ANO2: variants seen among roughly 807,000 people sequenced by gnomAD.
ANO2 encodes the protein anoctamin 2.
In ANO2, 101 loss-of-function variants were observed where a neutral mutation model predicts 124.2. That is an observed-to-expected ratio of 0.81 (90% confidence interval 0.69 to 0.96). The LOEUF (loss-of-function observed/expected upper bound fraction) is 0.96, where lower values mean the gene tolerates loss of function less well. Among genes scored for constraint, ANO2 ranks in the 40% least tolerant of loss-of-function variants. ANO2 has a pLI of 0.00. For synonymous variants in ANO2, 486 were observed against 482.5 expected (o/e 1.01, Z -0.09); for missense variants, 1,293 against 1,274.5 (o/e 1.01, Z -0.22).
At chr12:5,647,167 A>G (rs2136955003) in intron 15 of ANO2, among the ~76,000 whole-genome samples, 1 of 152,330 alleles carries the variant, frequency 6.6e-6, no homozygotes, top group East Asian at 1.9e-4. Flanking sequence ...TGTCTTGCCC[A>G]TGCTGGCAAC....
intron 14 of ANO2, among the ~76,000 whole-genome samples, chr12:5,710,323 G>A (rs1949765385): frequency 6.6e-6 from 1 of 152,238 alleles, no homozygotes; most frequent in Admixed American, 6.5e-5. Flanking sequence ...CCTCTTGTCA[G>A]TGATGCAGGG....
At position 5,631,924 on chromosome 12, in the gene ANO2, A is replaced by G. The variant is rs143757174; in HGVS notation, c.1816+3228T>C. Among the ~76,000 whole-genome samples, 419 of 152,232 alleles carry G rather than the reference A, an allele frequency of 2.8e-3. 2 individuals are homozygous for G. The highest frequency in any genetic ancestry group is 1.5e-3 in the Non-Finnish European group (104 of 68,006). ...ATGTCCCCAAACCCACTGTTCGGGA[A>G]AGGTTGGCTGGATGGGGATTTCCAA... On this transcript the variant is annotated intron_variant, in intron 16 of 24. Transcript: ENST00000682330.
intron 4 of ANO2, among the ~76,000 whole-genome samples, chr12:5,848,652 C>T (rs753256063): frequency 1.3e-5 from 2 of 152,188 alleles, no homozygotes; most frequent in East Asian, 1.9e-4. Context: ...GTGGAGCCGT[C>T]GTGTTTACAG....
At chr12:5,602,411 CAGCT>C (rs1380340904) in intron 19 of ANO2, among the ~76,000 whole-genome samples, 1 of 151,978 alleles carries the variant, frequency 6.6e-6, no homozygotes, top group Non-Finnish European at 1.5e-5. Flanking sequence ...CCACCAGGCC[CAGCT>C]AATATTTTTT....
rs1952566747 is a variant in ANO2, at chr12:5,787,320, C to T, written c.1055+12187G>A. Among the ~76,000 whole-genome samples the T allele has an allele frequency of 6.6e-6, 1 of 152,146 alleles. No homozygotes were observed. The highest frequency in any genetic ancestry group is 1.5e-5 in the Non-Finnish European group (1 of 68,028). The stretch of plus-strand genomic sequence containing the variant: ...CAAACCTTTCAATGATGTACCCTTT[C>T]CTTAGGGTACGGTCCAAAATCCCTA... On this transcript the variant is annotated intron_variant, in intron 10 of 24. Coordinates refer to ENST00000682330, the MANE Select transcript of ANO2 (RefSeq NM_001364791.2). This position sits in a 1 kb window ranked among gnomAD's most constrained non-coding sequence, Gnocchi z 4.2.
At chr12:5,627,301 A>G (rs1052139430) in intron 16 of ANO2, among the ~76,000 whole-genome samples, 8 of 152,136 alleles carry the variant, frequency 5.3e-5, no homozygotes, top group Non-Finnish European at 8.8e-5. Flanking sequence ...CCACTGCCTG[A>G]GGCCACCCAG....
intron 20 of ANO2, among the ~76,000 whole-genome samples, chr12:5,583,477 C>T (rs559435448): frequency 8.6e-5 from 13 of 151,426 alleles, no homozygotes; most frequent in Non-Finnish European, 1.8e-4. Context: ...CACGGTGAAA[C>T]CCCGTCTCTA....
At chr12:5,615,725 G>C (rs1944770599) in intron 16 of ANO2, among the ~76,000 whole-genome samples, 1 of 152,092 alleles carries the variant, frequency 6.6e-6, no homozygotes, top group Non-Finnish European at 1.5e-5. Context: ...CACTGAACTA[G>C]AGTTACAAGG....
chr12:5,722,485 C>T (rs1455399755), intron 14 of ANO2, among the ~76,000 whole-genome samples: 1 of 151,936 alleles, frequency 6.6e-6, no homozygotes, highest in Non-Finnish European at 1.5e-5. Flanking sequence ...CCAGCCTGGG[C>T]GACAGAACGA....
At chr12:5,781,379 C>T (rs1234395578) in intron 10 of ANO2, among the ~76,000 whole-genome samples, 1 of 152,132 alleles carries the variant, frequency 6.6e-6, no homozygotes, top group Non-Finnish European at 1.5e-5. Flanking sequence ...GGGTGGTGCC[C>T]CAGGCTAAGC....
At chr12:5,630,909 T>C (rs374304366) in intron 16 of ANO2, among the ~76,000 whole-genome samples, 1 of 152,202 alleles carries the variant, frequency 6.6e-6, no homozygotes, top group East Asian at 1.9e-4. Context: ...TGTGAGCAGA[T>C]GGGATGAATG....
chr12:5,726,492 A>G (rs1282531392), intron 14 of ANO2, among the ~76,000 whole-genome samples: 1 of 152,170 alleles, frequency 6.6e-6, no homozygotes, highest in Non-Finnish European at 1.5e-5. Context: ...CACAGGAGCA[A>G]GAGGTTAAAA....
chr12:5,739,233 A>G (rs546432843), intron 13 of ANO2, 84 bp downstream of exon 13: 1 of 1,229,390 alleles, frequency 8.1e-7, no homozygotes, highest in African/African-American at 1.5e-5. Context: ...ATACATGGTT[A>G]TCTCACTCAA....
chr12:5,784,213 T>C (rs1256935880), intron 10 of ANO2, among the ~76,000 whole-genome samples: 2 of 152,134 alleles, frequency 1.3e-5, no homozygotes, highest in African/African-American at 4.8e-5. Flanking sequence ...AATTCATTAT[T>C]CAAAACTCAG....
chr12:5,942,280 T>C (rs768643642), intron 1 of ANO2, among the ~76,000 whole-genome samples: 2 of 152,120 alleles, frequency 1.3e-5, no homozygotes, highest in Non-Finnish European at 2.9e-5. Flanking sequence ...TGTAATGGGG[T>C]AGAATGGACC....
rs201271706 is a variant in ANO2 at position 5,921,114 on chromosome 12, C to T, written c.460G>A (p.Glu154Lys). The stretch of plus-strand genomic sequence containing the variant: ...AATTCCTCCCGCTGCTCCTTCCTCT[C>T]CTCCTCCAGGGCATCGAGCGGTCCC... Reference protein sequence around the residue: ...ELGPLDALEEERKEQREEFEH... With the variant: ...ELGPLDALEEKRKEQREEFEH... Residue 154 changes from glutamate to lysine, a missense_variant, in exon 3 of 25, where the codon GAG (glutamate) becomes AAG (lysine). By Grantham distance (56) the Glu-to-Lys change is moderately conservative (BLOSUM62 1). Coordinates refer to ENST00000682330, the MANE Select transcript of ANO2 (RefSeq NM_001364791.2). The T allele has an allele frequency of 1.3e-5, 21 of 1,613,966 alleles. No homozygotes were observed. The East Asian group carries it at 4.0e-4, about 31-fold the overall frequency.
intron 13 of ANO2, among the ~76,000 whole-genome samples, chr12:5,735,304 G>A (rs1048624072): frequency 1.3e-5 from 2 of 151,996 alleles, no homozygotes; most frequent in Non-Finnish European, 2.9e-5. Flanking sequence ...CTGTTTCCAC[G>A]TGGTCAGTCT....
In ANO2 at chr12:5,612,756, A is replaced by G. The variant is rs1450015561; in HGVS notation, c.1987T>C (p.Cys663Arg). The G allele has an allele frequency of 2.5e-6, 4 of 1,612,162 alleles. No homozygotes were observed. The highest frequency in any genetic ancestry group is 3.4e-6 in the Non-Finnish European group (4 of 1,178,400). The change falls in exon 19 of 25, where the codon TGT becomes CGT. Residue 663 changes from cysteine to arginine, a missense_variant and splice_region_variant. By Grantham distance (180) the Cys-to-Arg change is radical. Transcript: ENST00000682330. ...YVFDGYRMEE[C>R]APGGCLMELC... Reference sequence around the variant, plus strand: ...TCCATGAGACAGCCCCCTGGAGCACACTGCAGGGAGAAGATAAGGAAAGGA... The same window carrying G: ...TCCATGAGACAGCCCCCTGGAGCACGCTGCAGGGAGAAGATAAGGAAAGGA...
At chr12:5,624,319 C>T (rs1203504010) in intron 16 of ANO2, among the ~76,000 whole-genome samples, 2 of 151,296 alleles carry the variant, frequency 1.3e-5, no homozygotes, top group Non-Finnish European at 2.9e-5. Context: ...TGTTATAGGC[C>T]AATCATGAGA....
Sources: gnomAD v4.1 joint callset for allele counts (sites outside exome capture counted in the v4.1 genomes callset) on GRCh38, gnomAD v4.1.1 for gene constraint, Gnocchi (gnomAD v3.1) non-coding constraint, MANE v1.5 for transcripts, NCBI Gene and HGNC (gene_info 2026-07-23, HGNC 2026-07-21) for gene names.